ELMOD1: variants seen among roughly 807,000 people sequenced by gnomAD.
The protein encoded by ELMOD1 is ELMO domain containing 1.
In ELMOD1, 21 loss-of-function variants were observed where a neutral mutation model predicts 46.7. The observed-to-expected ratio is 0.45, with a 90% CI of 0.32 to 0.65. The LOEUF is 0.65. ELMOD1 is among the 30% of genes least tolerant of loss of function. ELMOD1 has a pLI of 0.04. For missense variants in ELMOD1, 348 were observed against 407.8 expected, an observed-to-expected ratio of 0.85 and a Z score of 1.26; for synonymous variants, 122 against 138.2, an observed-to-expected ratio of 0.88 and a Z score of 0.82.
chr11:107,658,744 G>T (rs1866676993), intron 11 of ELMOD1, among the ~76,000 whole-genome samples: 1 of 152,224 alleles, frequency 6.6e-6, no homozygotes, highest in Non-Finnish European at 1.5e-5. Flanking sequence ...AGACCAGCCT[G>T]ATCAAAAGGG....
At chr11:107,663,886 A>C (rs1035478928) in intron 11 of ELMOD1, among the ~76,000 whole-genome samples, 3 of 152,166 alleles carry the variant, frequency 2.0e-5, no homozygotes, top group African/African-American at 7.2e-5. Context: ...AAAAGCAAGG[A>C]TTCAAACCAG....
intron 6 of ELMOD1, among the ~76,000 whole-genome samples, chr11:107,641,939 CTTT>C (rs34475862): frequency 6.0e-5 from 6 of 100,464 alleles, no homozygotes; most frequent in Admixed American, 1.2e-4. Flanking sequence ...TGAGCTTACT[CTTT>C]TTTTTTTTTT....
chr11:107,597,563 A>C (rs1865514648), intron 1 of ELMOD1, among the ~76,000 whole-genome samples: 1 of 152,162 alleles, frequency 6.6e-6, no homozygotes, highest in East Asian at 1.9e-4. Flanking sequence ...GATGACCTTA[A>C]AAACACCTCC....
intron 1 of ELMOD1, among the ~76,000 whole-genome samples, chr11:107,604,697 C>T (rs1034231385): frequency 5.3e-5 from 8 of 152,198 alleles, no homozygotes; most frequent in African/African-American, 1.2e-4. Flanking sequence ...ACTCAGCAAA[C>T]ATCTGTCAAG....
intron 10 of ELMOD1, among the ~76,000 whole-genome samples, chr11:107,655,338 T>C (rs942076220): frequency 1.3e-5 from 2 of 152,184 alleles, no homozygotes; most frequent in Non-Finnish European, 2.9e-5. Context: ...TTATTAAAAA[T>C]GCTATAATGA....
intron 1 of ELMOD1, among the ~76,000 whole-genome samples, chr11:107,612,828 T>G (rs1315712981): frequency 6.6e-6 from 1 of 152,252 alleles, no homozygotes; most frequent in Non-Finnish European, 1.5e-5. Flanking sequence ...TTTAGCATAG[T>G]TATTTAATGA....
chr11:107,644,082 G>T (rs1866374104), intron 6 of ELMOD1, among the ~76,000 whole-genome samples: 3 of 151,880 alleles, frequency 2.0e-5, no homozygotes, highest in Non-Finnish European at 4.4e-5. Flanking sequence ...ACACCAGCCT[G>T]GCCAACATGG....
At chr11:107,617,734 C>G (rs1326700397) in intron 1 of ELMOD1, among the ~76,000 whole-genome samples, 1 of 152,172 alleles carries the variant, frequency 6.6e-6, no homozygotes, top group East Asian at 1.9e-4. Flanking sequence ...CCGCCAGATA[C>G]TAGACTATTG....
chr11:107,650,885 G>T lies in ELMOD1; in HGVS notation c.624G>T (p.Arg208Ser). ...VLSDSLHPKCRDITKEEISKF... is the reference protein window; with the variant it reads ...VLSDSLHPKCSDITKEEISKF... ...AATTTTTTTCTTTGATTACATGAAG[G>T]GATATCACTAAAGAAGAAATAAGGT... is the stretch of plus-strand genomic sequence containing the variant. The change falls in exon 9 of 12, where the codon AGG becomes AGT. Residue 208 changes from arginine (R) to serine (S), a missense_variant and splice_region_variant. Physicochemically the swap from Arg to Ser is moderately radical, Grantham distance 110. Coordinates refer to ENST00000265840, the MANE Select transcript of ELMOD1 (RefSeq NM_018712.4). The T allele has an allele frequency of 1.8e-6, 2 of 1,107,500 alleles. No individual in the cohort carries two copies. The highest frequency in any genetic ancestry group is 2.5e-6 in the Non-Finnish European group (2 of 812,798). The allele number at this position is 1,107,500 out of a possible 1,614,324, so 68.6% of individuals were successfully genotyped here.
At position 107,630,728 on chromosome 11, in the gene ELMOD1, G is replaced by C. The variant is rs1254173989; in HGVS notation, c.192G>C (p.Lys64Asn). 5 of 1,601,760 alleles carry C rather than the reference G, an allele frequency of 3.1e-6. No homozygotes were observed. Among genetic ancestry groups the C allele is most frequent in the Non-Finnish European group, 4.3e-6 (5 of 1,174,540 alleles). Residue 64 changes from lysine to asparagine, a missense_variant and splice_region_variant, in exon 4 of 12, where the codon AAG becomes AAC. Transcript: ENST00000265840. Reference protein sequence around the residue: ...IETSLRDSKSKLLQTSVSVHP... With the variant: ...IETSLRDSKSNLLQTSVSVHP... ...CATCACTGAGGGATTCTAAAAGTAA[G>C]GTAAGTAAAATTATTTTTCAGCAGC... is the stretch of plus-strand genomic sequence containing the variant.
At position 107,650,857 on chromosome 11, in the gene ELMOD1, T is replaced by C. The variant is rs1410582803; in HGVS notation, c.624-28T>C. 4 of 1,093,194 alleles carry C rather than the reference T, an allele frequency of 3.7e-6. No individual in the cohort carries two copies. In the African/African-American group the frequency reaches 6.7e-5, roughly 18 times the overall value. 67.7% of individuals were successfully genotyped at this position (1,093,194 alleles called of 1,614,324 possible). On this transcript the variant is annotated intron_variant, in intron 8 of 11. Transcript: ENST00000265840. ...AATTGTTTGCATTTTCATTTACTTT[T>C]CTAATTTTTTTCTTTGATTACATGA...
chr11:107,654,234 A>G lies in ELMOD1; in HGVS notation c.698+12A>G. 1 of 1,586,146 alleles carries G rather than the reference A, an allele frequency of 6.3e-7. No individual in the cohort carries two copies. On this transcript the variant is annotated intron_variant, in intron 10 of 11. Coordinates refer to ENST00000265840, the MANE Select transcript of ELMOD1 (RefSeq NM_018712.4). Reference sequence around the variant, plus strand: ...GATAAGGCAATTGGGTGAGTATGGGATCTCACATGGAAAGATGGTCCGTCT... The same window carrying G: ...GATAAGGCAATTGGGTGAGTATGGGGTCTCACATGGAAAGATGGTCCGTCT...
intron 1 of ELMOD1, among the ~76,000 whole-genome samples, chr11:107,615,877 A>C (rs1294529486): frequency 6.6e-6 from 1 of 151,782 alleles, no homozygotes; most frequent in Non-Finnish European, 1.5e-5. Flanking sequence ...GGGGGAGTAA[A>C]GTGCCATTTT....
At chr11:107,596,350 C>G (rs1865492667) in intron 1 of ELMOD1, among the ~76,000 whole-genome samples, 1 of 151,876 alleles carries the variant, frequency 6.6e-6, no homozygotes, top group Non-Finnish European at 1.5e-5. Flanking sequence ...TTTACTTTAC[C>G]AGTTGGCATT....
chr11:107,595,116 C>A (rs1480559984), intron 1 of ELMOD1, among the ~76,000 whole-genome samples: 1 of 151,252 alleles, frequency 6.6e-6, no homozygotes, highest in Non-Finnish European at 1.5e-5. Context: ...ACTGATAATA[C>A]AATGTCGTTC....
rs201741954 is a variant in ELMOD1, at chr11:107,634,057, TA to T, written c.291-1570del. ...AACATCTGTGCATGTCATTTACCCCTAAAAAAAAATATGATGATGTACAGTG... is the reference window on the plus strand; with the variant it reads ...AACATCTGTGCATGTCATTTACCCCTAAAAAAAATATGATGATGTACAGTG... On this transcript the variant is annotated intron_variant, in intron 5 of 11. Transcript: ENST00000265840. 7.3e-5 allele frequency among the ~76,000 whole-genome samples: 11 copies of T among 150,666 alleles called. No homozygotes were observed. In the East Asian group the frequency reaches 7.8e-4, roughly 11 times the overall value.
chr11:107,608,926 G>A (rs532859), intron 1 of ELMOD1, among the ~76,000 whole-genome samples: 96,703 of 151,964 alleles, frequency 0.64, 32,208 homozygotes, highest in African/African-American at 0.82. Flanking sequence ...TCAATCCAGA[G>A]GTTTACCTTT....
intron 2 of ELMOD1, among the ~76,000 whole-genome samples, chr11:107,622,413 G>C (rs1865965684): frequency 6.6e-6 from 1 of 152,188 alleles, no homozygotes. Context: ...GCAGCCCAGA[G>C]CATGGCAACA....
At chr11:107,620,809 A>C (rs968505654) in intron 2 of ELMOD1, among the ~76,000 whole-genome samples, 2 of 152,244 alleles carry the variant, frequency 1.3e-5, no homozygotes, top group African/African-American at 4.8e-5. Flanking sequence ...AGTTAAGGTG[A>C]GCCGAGATAA....
Sources: allele counts gnomAD v4.1 joint callset (sites outside exome capture counted in the v4.1 genomes callset), GRCh38; gene constraint gnomAD v4.1.1; transcripts MANE v1.5; gene names NCBI Gene and HGNC (gene_info 2026-07-23, HGNC 2026-07-21).